LOC128092252: variants seen among roughly 807,000 people sequenced by gnomAD.
chr15:50,666,878 T>C, the LOC128092252 span, among the ~76,000 whole-genome samples: 1 of 152,194 alleles, frequency 6.6e-6, no homozygotes, highest in Admixed American at 6.6e-5. Flanking sequence ...AATTGAAAGA[T>C]AAAGAAGAAA....
At chr15:50,658,819 GA>G in the LOC128092252 span, among the ~76,000 whole-genome samples, 1 of 152,124 alleles carries the variant, frequency 6.6e-6, no homozygotes, top group Admixed American at 6.6e-5. Context: ...ACAGCCAAAA[GA>G]AAGTGAAAAT....
At chr15:50,665,392 CTAA>C in the LOC128092252 span, among the ~76,000 whole-genome samples, 1 of 120,450 alleles carries the variant, frequency 8.3e-6, no homozygotes, top group Non-Finnish European at 1.9e-5. Flanking sequence ...AAAACTCTGT[CTAA>C]AAAAAAAAAA....
At chr15:50,662,627 T>C in the LOC128092252 span, among the ~76,000 whole-genome samples, 4,603 of 152,262 alleles carry the variant, frequency 0.03, 249 homozygotes, top group African/African-American at 0.11. Flanking sequence ...GATACACAAA[T>C]TTAAGTTCCC....
chr15:50,653,914 G>A, the LOC128092252 span, among the ~76,000 whole-genome samples: 2 of 152,088 alleles, frequency 1.3e-5, no homozygotes, highest in African/African-American at 4.8e-5. Flanking sequence ...TTTTAGTTCA[G>A]CGTGAAAAGA....
At chr15:50,659,903 G>A in the LOC128092252 span, among the ~76,000 whole-genome samples, 6 of 152,096 alleles carry the variant, frequency 3.9e-5, no homozygotes, top group Admixed American at 3.9e-4. Context: ...CCTGACCTCA[G>A]GTGATCCACC....
At chr15:50,682,133 G>A in the LOC128092252 span, among the ~76,000 whole-genome samples, 5 of 129,876 alleles carry the variant, frequency 3.8e-5, no homozygotes, top group East Asian at 5.0e-4. Context: ...AGCCGACATC[G>A]CGCCACCGCA....
the LOC128092252 span, among the ~76,000 whole-genome samples, chr15:50,669,543 A>G: frequency 3.3e-5 from 5 of 152,340 alleles, no homozygotes; most frequent in African/African-American, 1.2e-4. Context: ...AGCCTATATA[A>G]TTATTCTTGC....
chr15:50,679,525 T>TATTATATATATGTGTATATATATA, the LOC128092252 span, among the ~76,000 whole-genome samples: 5 of 48,878 alleles, frequency 1.0e-4, no homozygotes, highest in African/African-American at 3.6e-4. Flanking sequence ...TATATATATA[T>TATTATATATATGTGTATATATATA]ATATATATAT....
the LOC128092252 span, among the ~76,000 whole-genome samples, chr15:50,652,307 T>G: frequency 9.0e-6 from 1 of 111,024 alleles, no homozygotes; most frequent in South Asian, 3.1e-4. Flanking sequence ...CACTGCAGCC[T>G]GGCTGAGTGA....
the LOC128092252 span, among the ~76,000 whole-genome samples, chr15:50,654,075 AAAATT>A: frequency 1.3e-5 from 2 of 152,204 alleles, no homozygotes; most frequent in African/African-American, 4.8e-5. Flanking sequence ...GAATCTATCA[AAAATT>A]AATTTAATCA....
the LOC128092252 span, among the ~76,000 whole-genome samples, chr15:50,680,844 A>G: frequency 1.4e-4 from 21 of 152,166 alleles, no homozygotes; most frequent in Non-Finnish European, 2.2e-4. Flanking sequence ...GTCAACACCT[A>G]CTCTACCACT....
chr15:50,649,913 G>A, the LOC128092252 span, among the ~76,000 whole-genome samples: 15 of 152,058 alleles, frequency 9.9e-5, no homozygotes, highest in African/African-American at 3.6e-4. Context: ...ATAACTACTT[G>A]GCCAGGTACA....
chr15:50,684,635 G>C, the LOC128092252 span, among the ~76,000 whole-genome samples: 1 of 151,744 alleles, frequency 6.6e-6, no homozygotes, highest in African/African-American at 2.4e-5. Context: ...GCGAGACTCG[G>C]TCTCAAACAA....
chr15:50,652,875 G>A, the LOC128092252 span, among the ~76,000 whole-genome samples: 1 of 152,062 alleles, frequency 6.6e-6, no homozygotes, highest in Admixed American at 6.6e-5. Context: ...TACAAGAAAA[G>A]ACTAGGCCGG....
At chr15:50,686,522 G>A in the LOC128092252 span, 1 of 1,612,740 alleles carries the variant, frequency 6.2e-7, no homozygotes, top group South Asian at 1.1e-5. Context: ...GCCTGCGTGG[G>A]TCCAGTACCA....
the LOC128092252 span, among the ~76,000 whole-genome samples, chr15:50,681,016 GCCAAGGC>G: frequency 3.3e-5 from 5 of 152,122 alleles, no homozygotes; most frequent in African/African-American, 1.2e-4. Flanking sequence ...ACTTTGGGAG[GCCAAGGC>G]GGGCAGATCA....
chr15:50,668,813 T>C, the LOC128092252 span, among the ~76,000 whole-genome samples: 3 of 151,656 alleles, frequency 2.0e-5, no homozygotes, highest in East Asian at 1.9e-4. Flanking sequence ...TGGCCTACAA[T>C]AGATATTTGT....
chr15:50,678,696 T>C, the LOC128092252 span, among the ~76,000 whole-genome samples: 7 of 152,020 alleles, frequency 4.6e-5, no homozygotes, highest in Non-Finnish European at 8.8e-5. Context: ...TTGAAAAGCA[T>C]CTATAATTCT....
the LOC128092252 span, chr15:50,657,849 T>C: frequency 2.5e-6 from 4 of 1,589,406 alleles, no homozygotes; most frequent in South Asian, 3.4e-5. Flanking sequence ...AAATAAATTA[T>C]TTCAGGTGAA....
Sources: allele counts gnomAD v4.1 joint callset (sites outside exome capture counted in the v4.1 genomes callset), GRCh38; gene constraint gnomAD v4.1.1; transcripts MANE v1.5.